Variants in PI4KA observed in about 807,000 individuals in gnomAD.
PI4KA encodes PI4-kinase alpha.
PI4KA carries 122 observed loss-of-function variants against 271.4 expected under a neutral mutation model. That is an observed-to-expected ratio of 0.45 (90% CI 0.39 to 0.52). The LOEUF is 0.52. Among genes scored for constraint, PI4KA ranks in the 20% least tolerant of loss-of-function variants. PI4KA has a pLI of 0.00. For missense variants in PI4KA, 1,969 were observed against 2,769.1 expected (o/e 0.71, Z 6.48); for synonymous variants, 1,041 against 1,078.8 (o/e 0.96, Z 0.69).
At chr22:20,724,504 A>G (rs1927118692) in intron 42 of PI4KA, among the ~76,000 whole-genome samples, 1 of 151,906 alleles carries the variant, frequency 6.6e-6, no homozygotes, top group South Asian at 2.1e-4. Context: ...GCTACTTGGG[A>G]GGCTGAGGCA....
intron 23 of PI4KA, among the ~76,000 whole-genome samples, chr22:20,755,820 A>G (rs1423941047): frequency 6.6e-6 from 1 of 152,008 alleles, no homozygotes; most frequent in African/African-American, 2.4e-5. Flanking sequence ...AAAAAAAAGA[A>G]AAGAAAAAGA....
chr22:20,779,292 C>T, intron 19 of PI4KA: 1 of 1,613,998 alleles, frequency 6.2e-7, no homozygotes, highest in South Asian at 1.1e-5. Flanking sequence ...TGTTTTCCCT[C>T]CCAGCTTTAG....
chr22:20,813,225 T>C, intron 8 of PI4KA, 133 bp downstream of exon 8: 2 of 662,196 alleles, frequency 3.0e-6, no homozygotes, highest in East Asian at 2.6e-5. Context: ...TTCATTAATC[T>C]GCAAGTTTAT....
rs1432120681 is a variant in PI4KA at position 20,824,387 on chromosome 22, C to T, written c.395G>A (p.Ser132Asn). 1 of 1,613,218 alleles carries T rather than the reference C, an allele frequency of 6.2e-7. No homozygotes were observed. Among genetic ancestry groups the T allele is most frequent in the Admixed American group, 1.7e-5 (1 of 59,856 alleles). ...AGACAGCAGAGTTACCAAGCAGAAGCTGAAGCTCTCTGCAACCGGGAGGGC... is the reference window on the plus strand; with the variant it reads ...AGACAGCAGAGTTACCAAGCAGAAGTTGAAGCTCTCTGCAACCGGGAGGGC... ...RGALPVAESF[S>N]FCLVTLLSDV... Residue 132 changes from serine to asparagine, a missense_variant, in exon 4 of 55, where the codon AGC becomes AAC. By Grantham distance (46) the Ser-to-Asn change is conservative. Transcript: ENST00000255882.
chr22:20,812,050 G>A (rs178048), intron 8 of PI4KA, among the ~76,000 whole-genome samples: 71,689 of 147,050 alleles, frequency 0.49, 17,933 homozygotes, highest in African/African-American at 0.58. Flanking sequence ...TAAACTTGAA[G>A]AAAGTTAAAA....
chr22:20,839,614 G>C lies in PI4KA; in HGVS notation c.157-883C>G, dbSNP rs375466830. The stretch of plus-strand genomic sequence containing the variant: ...TGGTAGGCCGAGGCAGGCGGATCAC[G>C]AGGTCAGAAGTTTGAGACCAGCTTG... On this transcript the variant is annotated intron_variant, in intron 1 of 54. Transcript: ENST00000255882. Among the ~76,000 whole-genome samples the C allele has an allele frequency of 1.4e-3, 218 of 152,272 alleles. 1 individual carries two copies. Among genetic ancestry groups the C allele is most frequent in the South Asian group, 4.8e-3 (23 of 4,830 alleles).
intron 19 of PI4KA, among the ~76,000 whole-genome samples, chr22:20,783,414 T>C (rs9608406): frequency 4.4e-5 from 6 of 137,756 alleles, no homozygotes; most frequent in South Asian, 2.3e-4. Context: ...CTAGGTAACA[T>C]AGCAAGACCC....
At position 20,764,888 on chromosome 22, in the gene PI4KA, G is replaced by C. The variant is rs757543742; in HGVS notation, c.2637C>G (p.Ser879=). The C allele has an allele frequency of 1.9e-6, 3 of 1,613,660 alleles. No individual in the cohort carries two copies. In the East Asian group the frequency reaches 6.7e-5, roughly 36 times the overall value. The change falls in exon 22 of 55, where the codon TCC becomes TCG. Residue 879 remains serine (S), a synonymous_variant. Transcript: ENST00000255882. ...INLLDPPPEV[S]ALINKLDFAM... ...CGAAGTCCAGCTTGTTGATGAGTGC[G>C]GACACCTCGGGAGGGGGGTCCAGCA...
At chr22:20,743,670 A>G (rs1292519410) in intron 30 of PI4KA, among the ~76,000 whole-genome samples, 1 of 152,162 alleles carries the variant, frequency 6.6e-6, no homozygotes, top group Admixed American at 6.5e-5. Flanking sequence ...CAGAGAGAAG[A>G]ACATACAAGT....
intron 19 of PI4KA, among the ~76,000 whole-genome samples, chr22:20,782,361 C>T (rs914195900): frequency 6.6e-6 from 1 of 152,200 alleles, no homozygotes; most frequent in Non-Finnish European, 1.5e-5. Context: ...CTTTCCCCAT[C>T]ATGAGAATAG....
At chr22:20,816,808 T>C (rs1430429968) in intron 7 of PI4KA, among the ~76,000 whole-genome samples, 2 of 152,168 alleles carry the variant, frequency 1.3e-5, no homozygotes, top group Non-Finnish European at 2.9e-5. Flanking sequence ...CGTGGGGATC[T>C]CGCAGTCAGC....
chr22:20,763,029 G>GT (rs1295918656), intron 22 of PI4KA, among the ~76,000 whole-genome samples: 2 of 82,004 alleles, frequency 2.4e-5, no homozygotes, highest in Admixed American at 3.0e-4. Flanking sequence ...GGGGGGGGGG[G>GT]GGTTAGAGAC....
chr22:20,833,738 C>A (rs1158494826), intron 3 of PI4KA, among the ~76,000 whole-genome samples: 2 of 147,732 alleles, frequency 1.4e-5, no homozygotes, highest in East Asian at 4.0e-4. Flanking sequence ...CGGCTCACTG[C>A]AACCTCTGCC....
intron 15 of PI4KA, 112 bp from the exon 16 acceptor site, chr22:20,799,388 G>T: frequency 9.7e-7 from 1 of 1,036,136 alleles, no homozygotes; most frequent in Non-Finnish European, 1.4e-6. Context: ...TCTTGATGCA[G>T]TGTTCATCTG....
At chr22:20,822,945 ACT>A (rs1366032078) in intron 4 of PI4KA, among the ~76,000 whole-genome samples, 2 of 152,166 alleles carry the variant, frequency 1.3e-5, no homozygotes, top group African/African-American at 2.4e-5. Flanking sequence ...ACCGAGTCTC[ACT>A]CTGTTATCCA....
At chr22:20,762,617 G>A (rs1013467131) in intron 22 of PI4KA, among the ~76,000 whole-genome samples, 2 of 152,198 alleles carry the variant, frequency 1.3e-5, no homozygotes, top group Non-Finnish European at 2.9e-5. Flanking sequence ...CAAACCACAT[G>A]AGGTTGAGAG....
chr22:20,837,181 G>A (rs1399277042), intron 2 of PI4KA, among the ~76,000 whole-genome samples: 1 of 152,140 alleles, frequency 6.6e-6, no homozygotes, highest in Non-Finnish European at 1.5e-5. Context: ...TTGAGACCAG[G>A]GTTGGAGATC....
Position 20,802,010 on chromosome 22 carries a change from C to A in PI4KA, c.1687G>T (p.Glu563Ter), listed in dbSNP as rs762036318. The A allele has an allele frequency of 8.7e-6, 14 of 1,614,026 alleles. No homozygotes were observed. Among genetic ancestry groups the A allele is most frequent in the Non-Finnish European group, 9.3e-6 (11 of 1,180,032 alleles). The change falls in exon 14 of 55, where the codon GAG (glutamate) becomes TAG (stop). Residue 563 changes from glutamate to a stop codon, truncating the protein, a stop_gained. Transcript: ENST00000255882. LOFTEE classifies it high-confidence loss of function. Reference protein sequence around the residue: ...SGKKSQPSMYEQLRDIAIDNI... With the variant: ...SGKKSQPSMY ...TCAATAGCGATGTCTCGGAGCTGCT[C>A]GTACATGGAGGGCTGGCTCTTCTTA...
Position 20,716,056 on chromosome 22 carries a change from G to GTT in PI4KA, c.5318-1358_5318-1357dup, listed in dbSNP as rs112549796. 2.6e-4 allele frequency among the ~76,000 whole-genome samples: 38 copies of GTT among 145,596 alleles called. 1 individual carries two copies. Among genetic ancestry groups the GTT allele is most frequent in the African/African-American group, 9.5e-4 (38 of 39,874 alleles). On this transcript the variant is annotated intron_variant, in intron 45 of 54. Transcript: ENST00000255882. The stretch of plus-strand genomic sequence containing the variant: ...AGGCACGCGCCACCATGCCTGGTTA[G>GTT]TTTTTTTTTTTTGAGACCAAGTCTT...
Sources: allele counts gnomAD v4.1 joint callset (sites outside exome capture counted in the v4.1 genomes callset), GRCh38; gene constraint gnomAD v4.1.1; transcripts MANE v1.5; gene names NCBI Gene and HGNC (gene_info 2026-07-23, HGNC 2026-07-21).